Variants in DOT1L observed in about 807,000 individuals in gnomAD.
DOT1L encodes histone-lysine N-methyltransferase, H3 lysine-79 specific.
In DOT1L, 33 loss-of-function variants were observed where a neutral mutation model predicts 153.3. The ratio of observed to expected loss-of-function variants is 0.22; its 90% CI spans 0.16 to 0.29. The LOEUF (loss-of-function observed/expected upper bound fraction) is 0.29. Among genes scored for constraint, DOT1L ranks in the 10% least tolerant of loss-of-function variants. The pLI is 1.00. For missense variants in DOT1L, 1,847 were observed against 2,119.9 expected, an observed-to-expected ratio of 0.87 and a Z score of 2.53; for synonymous variants, 1,135 against 965.1, an observed-to-expected ratio of 1.18 and a Z score of -3.26.
At position 2,227,000 on chromosome 19, in the gene DOT1L, G is replaced by A. The variant is rs1466718595; in HGVS notation, c.4479G>A (p.Val1493=). The A allele has an allele frequency of 6.3e-7, 1 of 1,592,362 alleles. No individual in the cohort carries two copies. Among genetic ancestry groups the A allele is most frequent in the Non-Finnish European group, 8.5e-7 (1 of 1,176,888 alleles). ...ANLGSVAGSS[V]LQSLFSSVPA... ...TCGGCTCCGTGGCCGGCTCCTCCGT[G>A]CTGCAGTCGCTGTTCAGCTCTGTGC... Residue 1493 remains valine, a synonymous_variant, in exon 27 of 28, where the codon GTG becomes GTA. Transcript: ENST00000398665.
At chr19:2,227,638 C>T (rs1350379386) in intron 27 of DOT1L, 13 of 1,220,330 alleles carry the variant, frequency 1.1e-5, no homozygotes, top group African/African-American at 1.6e-5. Flanking sequence ...CGCCTGGCGG[C>T]GCCGTTTCGC....
chr19:2,177,242 G>A (rs1187076020), intron 1 of DOT1L, among the ~76,000 whole-genome samples: 1 of 151,672 alleles, frequency 6.6e-6, no homozygotes, highest in Non-Finnish European at 1.5e-5. Context: ...GAACATACAG[G>A]AAACGACCAG....
intron 9 of DOT1L, among the ~76,000 whole-genome samples, chr19:2,205,234 G>A (rs1029682677): frequency 1.3e-5 from 2 of 152,122 alleles, no homozygotes; most frequent in Admixed American, 6.5e-5. Flanking sequence ...GCCTCCCAAA[G>A]TGCTGGGTTA....
chr19:2,227,586 A>T, intron 27 of DOT1L: 1 of 915,530 alleles, frequency 1.1e-6, no homozygotes, highest in Non-Finnish European at 1.4e-6. Flanking sequence ...GCGGGCCACC[A>T]CGAGCCTGGC....
In DOT1L at chr19:2,231,623, G is replaced by A. The variant is rs1262144657; in HGVS notation, c.*1831G>A. 2 of 211,278 alleles carry A rather than the reference G, an allele frequency of 9.5e-6. No homozygotes were observed. The highest frequency in any genetic ancestry group is 1.9e-5 in the Non-Finnish European group (2 of 104,314). 13.1% of individuals were successfully genotyped at this position (211,278 alleles called of 1,614,324 possible). ...CCACGTTGGTGCTCTCAGCTAGAAG[G>A]TGCTGTGCCTCTGCCTGAGCCCCAA... On this transcript the variant is annotated 3_prime_UTR_variant, in exon 28 of 28. Coordinates refer to ENST00000398665, the MANE Select transcript of DOT1L (RefSeq NM_032482.3).
chr19:2,230,450 G>A lies in DOT1L; in HGVS notation c.*658G>A. ...GTGGGTTGCGCCCTTGCATGTGAAG[G>A]GGCCTGCGCGGTGACGCAGCTGGCC... On this transcript the variant is annotated 3_prime_UTR_variant, in exon 28 of 28. Coordinates refer to ENST00000398665, the MANE Select transcript of DOT1L (RefSeq NM_032482.3). The A allele has an allele frequency of 2.5e-6, 1 of 399,628 alleles. No individual in the cohort carries two copies. 24.8% of individuals were successfully genotyped at this position (399,628 alleles called of 1,614,324 possible).
chr19:2,192,543 C>T lies in DOT1L; in HGVS notation c.494-1146C>T, dbSNP rs144228969. Among the ~76,000 whole-genome samples the T allele has an allele frequency of 9.5e-4, 144 of 151,852 alleles. 3 individuals carry two copies. In the South Asian group the frequency reaches 0.022, roughly 23 times the overall value. The stretch of plus-strand genomic sequence containing the variant: ...CAAAAATCAGTTGGGTGTGGTGGCG[C>T]GCGCCTGTAATCCCAGCTACTTGGG... On this transcript the variant is annotated intron_variant, in intron 5 of 27. Coordinates refer to ENST00000398665, the MANE Select transcript of DOT1L (RefSeq NM_032482.3).
At chr19:2,183,585 A>AG (rs1199510101) in intron 2 of DOT1L, among the ~76,000 whole-genome samples, 1 of 151,214 alleles carries the variant, frequency 6.6e-6, no homozygotes, top group Admixed American at 6.6e-5. Context: ...GCTTGGGGAA[A>AG]GGGGCGTTTA....
chr19:2,229,073 T>G (rs1184082714), intron 27 of DOT1L: 2 of 985,322 alleles, frequency 2.0e-6, no homozygotes, highest in Admixed American at 1.2e-4. Context: ...GGCTTTCAGC[T>G]GCTCAGATGT....
At position 2,200,128 on chromosome 19, in the gene DOT1L, TGCCCAGCAGAGCCCCTGTCG is replaced by T. The variant is rs1432756675; in HGVS notation, c.707+194_707+213del. 5.3e-5 allele frequency among the ~76,000 whole-genome samples: 8 copies of T among 152,174 alleles called. No homozygotes were observed. In the South Asian group the frequency reaches 1.5e-3, roughly 28 times the overall value. On this transcript the variant is annotated intron_variant, in intron 8 of 27. Transcript: ENST00000398665. The stretch of plus-strand genomic sequence containing the variant: ...CCTCTGCGGGCGCGCAGAGCAGACG[TGCCCAGCAGAGCCCCTGTCG>T]GCCCTGCAGACCCTGCTGGCAGTGA...
At chr19:2,187,221 C>G (rs2022553350) in intron 3 of DOT1L, among the ~76,000 whole-genome samples, 1 of 152,236 alleles carries the variant, frequency 6.6e-6, no homozygotes, top group Non-Finnish European at 1.5e-5. Context: ...CTAGAGTCCC[C>G]TCGGATGAGT....
intron 1 of DOT1L, among the ~76,000 whole-genome samples, chr19:2,166,599 C>A (rs1376546829): frequency 3.3e-5 from 5 of 151,876 alleles, no homozygotes; most frequent in African/African-American, 4.8e-5. Flanking sequence ...TTAGTAGATA[C>A]CAGGTTTCTT....
chr19:2,208,937 T>C lies in DOT1L; in HGVS notation c.966T>C (p.Leu322=). The C allele has an allele frequency of 2.5e-6, 4 of 1,612,980 alleles. No homozygotes were observed. The highest frequency in any genetic ancestry group is 2.2e-5 in the East Asian group (1 of 44,866). ...AGGGTTCTCTTTCTTCTTTTTAGCT[T>C]GAAAACTATTTTTCTAGTCTGAAAA... The part of the protein sequence containing the change: ...YYLHTIDRTI[L]ENYFSSLKNP... The change falls in exon 12 of 28, where the codon CTT becomes CTC. Residue 322 remains leucine, a splice_region_variant and synonymous_variant. Transcript: ENST00000398665. This position sits in a 1 kb window ranked among gnomAD's most constrained non-coding sequence, Gnocchi z 4.4.
At position 2,197,984 on chromosome 19, in the gene DOT1L, T is replaced by G. The variant is rs2023090746; in HGVS notation, c.652-1900T>G. 6.6e-6 allele frequency among the ~76,000 whole-genome samples: 1 copy of G among 152,220 alleles called. No individual in the cohort carries two copies. Among genetic ancestry groups the G allele is most frequent in the African/African-American group, 2.4e-5 (1 of 41,468 alleles). ...TTGGGAGGCTCCAAGTCCTCCCGCCTGAGCAGTGTCACCAGGGAGGCTCCT... is the reference window on the plus strand; with the variant it reads ...TTGGGAGGCTCCAAGTCCTCCCGCCGGAGCAGTGTCACCAGGGAGGCTCCT... On this transcript the variant is annotated intron_variant, in intron 7 of 27. Coordinates refer to ENST00000398665, the MANE Select transcript of DOT1L (RefSeq NM_032482.3). This position sits in a 1 kb window ranked among gnomAD's most constrained non-coding sequence, Gnocchi z 4.1.
chr19:2,216,583 C>T lies in DOT1L; in HGVS notation c.2226C>T (p.Pro742=). The change falls in exon 20 of 28, where the codon CCC becomes CCT. Residue 742 remains proline, a synonymous_variant. Coordinates refer to ENST00000398665, the MANE Select transcript of DOT1L (RefSeq NM_032482.3). ...KQNTPQYLAS[P]LDQEVVPCTP... ...ACACGCCCCAGTACCTGGCCTCACC[C>T]CTGGACCAGGAGGTGGTGCCCTGTA... The T allele has an allele frequency of 1.2e-6, 2 of 1,608,732 alleles. No individual in the cohort carries two copies. The highest frequency in any genetic ancestry group is 1.7e-6 in the Non-Finnish European group (2 of 1,179,916).
chr19:2,227,157 C>T (rs201280774), intron 27 of DOT1L, 30 bp downstream of exon 27: 56 of 1,565,784 alleles, frequency 3.6e-5, no homozygotes, highest in African/African-American at 1.1e-4. Context: ...GTCCGCCCCC[C>T]GCCCCGGCCC....
In DOT1L at chr19:2,221,624, T is replaced by G. The variant is rs559248590; in HGVS notation, c.2807-352T>G. ...GAGGCCACGCAGCCATGGGCTTTCC[T>G]CATGGTGTCTCTGAGATCACGGGGC... On this transcript the variant is annotated intron_variant, in intron 23 of 27. Transcript: ENST00000398665. 2.8e-5 allele frequency: 9 copies of G among 322,448 alleles called. No homozygotes were observed. The East Asian group carries it at 2.9e-4, about 11-fold the overall frequency. The allele number at this position is 322,448 out of a possible 1,614,324, so 20.0% of individuals were successfully genotyped here.
At chr19:2,175,254 C>G (rs965441345) in intron 1 of DOT1L, among the ~76,000 whole-genome samples, 4 of 152,136 alleles carry the variant, frequency 2.6e-5, no homozygotes, top group African/African-American at 9.7e-5. Context: ...CCGCCTTGGC[C>G]TCCCAAAGTG....
At chr19:2,167,406 G>T (rs1008821469) in intron 1 of DOT1L, among the ~76,000 whole-genome samples, 1 of 152,220 alleles carries the variant, frequency 6.6e-6, no homozygotes. Flanking sequence ...CCGCCCGCAT[G>T]CCTGCTGCCC....
Sources: gnomAD v4.1 joint callset for allele counts (sites outside exome capture counted in the v4.1 genomes callset) on GRCh38, gnomAD v4.1.1 for gene constraint, Gnocchi (gnomAD v3.1) non-coding constraint, MANE v1.5 for transcripts, NCBI Gene and HGNC (gene_info 2026-07-23, HGNC 2026-07-21) for gene names.